The following C8orf34 variants were observed in gnomAD, a reference collection of about 807,000 sequenced individuals.
C8orf34 encodes the protein uncharacterized protein C8orf34.
A neutral mutation model predicts 68.3 loss-of-function variants in C8orf34; 65 were observed. The observed-to-expected ratio is 0.95, with a 90% confidence interval of 0.78 to 1.17. The LOEUF (loss-of-function observed/expected upper bound fraction) is 1.17. Among genes scored for constraint, C8orf34 ranks in the 50% most tolerant of loss-of-function variants. C8orf34 has a pLI of 0.00. For missense variants in C8orf34, 664 were observed against 655.4 expected, an observed-to-expected ratio of 1.01 and a Z score of -0.14; for synonymous variants, 244 against 241.2, an observed-to-expected ratio of 1.01 and a Z score of -0.11.
At chr8:68,496,691 A>G (rs922653002) in intron 5 of C8orf34, among the ~76,000 whole-genome samples, 1 of 152,132 alleles carries the variant, frequency 6.6e-6, no homozygotes, top group South Asian at 2.1e-4. Flanking sequence ...TTGTTTTGCT[A>G]TTCACTTTCT....
intron 7 of C8orf34, among the ~76,000 whole-genome samples, chr8:68,617,238 C>A (rs1818249501): frequency 6.6e-6 from 1 of 152,052 alleles, no homozygotes; most frequent in South Asian, 2.1e-4. Flanking sequence ...TTGACTCTAT[C>A]CAATTTGCCA....
At chr8:68,502,531 T>TA (rs753955624) in intron 5 of C8orf34, among the ~76,000 whole-genome samples, 1 of 152,220 alleles carries the variant, frequency 6.6e-6, no homozygotes, top group African/African-American at 2.4e-5. Context: ...CACATGTTCA[T>TA]AAAAAAAGCC....
chr8:68,535,565 C>A, intron 7 of C8orf34: 1 of 857,322 alleles, frequency 1.2e-6, no homozygotes, highest in South Asian at 5.4e-5. Flanking sequence ...ACTATTGACT[C>A]TTGTTTTGTT....
chr8:68,780,693 G>A (rs777298968), intron 11 of C8orf34, among the ~76,000 whole-genome samples: 15 of 152,164 alleles, frequency 9.9e-5, no homozygotes, highest in Non-Finnish European at 1.8e-4. Flanking sequence ...GCCGAGGTGG[G>A]CAGATTGCAG....
chr8:68,386,596 A>C (rs1377505928), intron 1 of C8orf34, among the ~76,000 whole-genome samples: 2 of 152,206 alleles, frequency 1.3e-5, no homozygotes, highest in African/African-American at 2.4e-5. Context: ...TGTCTATGAC[A>C]TAAGAAGCTG....
intron 13 of C8orf34, among the ~76,000 whole-genome samples, chr8:68,816,181 G>T (rs1204385356): frequency 1.3e-5 from 2 of 150,404 alleles, no homozygotes; most frequent in Non-Finnish European, 3.0e-5. Context: ...AGGTTTTGGA[G>T]TTCTCATTTA....
rs561386531 is a variant in C8orf34, at chr8:68,430,782, G to A, written c.328-8717G>A. Among the ~76,000 whole-genome samples, 320 of 152,178 alleles carry A rather than the reference G, an allele frequency of 2.1e-3. 1 individual carries two copies. The highest frequency in any genetic ancestry group is 6.8e-3 in the Middle Eastern group (2 of 294). ...GCCTGTAGCTGAATATTCTCTTGGG[G>A]GATGACTTGCAAGACAATGTGACAA... On this transcript the variant is annotated intron_variant, in intron 1 of 13. Coordinates refer to ENST00000518698, the MANE Select transcript of C8orf34 (RefSeq NM_052958.4).
chr8:68,481,796 T>C (rs952536507), intron 4 of C8orf34, among the ~76,000 whole-genome samples: 1 of 152,150 alleles, frequency 6.6e-6, no homozygotes, highest in African/African-American at 2.4e-5. Flanking sequence ...TGTACCCCCA[T>C]TGTGTCTAGG....
chr8:68,783,403 A>T (rs1823746701), intron 11 of C8orf34, among the ~76,000 whole-genome samples: 1 of 152,006 alleles, frequency 6.6e-6, no homozygotes, highest in Non-Finnish European at 1.5e-5. Context: ...CTGCAATCCC[A>T]GCTACTCGGG....
chr8:68,564,029 TA>T, intron 7 of C8orf34, among the ~76,000 whole-genome samples: 1 of 152,300 alleles, frequency 6.6e-6, no homozygotes, highest in South Asian at 2.1e-4. Flanking sequence ...AATTTCAAAA[TA>T]AAAAATGCTA....
intron 1 of C8orf34, among the ~76,000 whole-genome samples, chr8:68,379,254 G>A (rs530433223): frequency 1.4e-4 from 22 of 152,254 alleles, no homozygotes; most frequent in Non-Finnish European, 2.8e-4. Flanking sequence ...TTTGAGAGTC[G>A]AAGATTTTTG....
At chr8:68,640,600 T>C in intron 8 of C8orf34, 89 bp downstream of exon 8, 1 of 1,289,850 alleles carries the variant, frequency 7.8e-7, no homozygotes, top group Non-Finnish European at 1.1e-6. Flanking sequence ...CTCTTCTGTG[T>C]TAAGAACATC....
intron 8 of C8orf34, among the ~76,000 whole-genome samples, chr8:68,649,568 A>G (rs1254313540): frequency 2.0e-5 from 3 of 152,236 alleles, no homozygotes; most frequent in Non-Finnish European, 2.9e-5. Flanking sequence ...ATCTGCATGA[A>G]GGAAGACATG....
intron 1 of C8orf34, among the ~76,000 whole-genome samples, chr8:68,415,573 A>G (rs969673587): frequency 3.9e-5 from 6 of 152,302 alleles, no homozygotes; most frequent in Non-Finnish European, 8.8e-5. Flanking sequence ...ATCCAGCCTC[A>G]TTGCTCCACT....
intron 4 of C8orf34, among the ~76,000 whole-genome samples, chr8:68,478,722 G>A (rs1371203319): frequency 6.6e-6 from 1 of 152,184 alleles, no homozygotes; most frequent in Non-Finnish European, 1.5e-5. Context: ...GATGGCAGGA[G>A]AGAGAATGAA....
chr8:68,804,590 G>A (rs531875245), intron 12 of C8orf34, among the ~76,000 whole-genome samples: 2 of 151,996 alleles, frequency 1.3e-5, no homozygotes, highest in Non-Finnish European at 2.9e-5. Flanking sequence ...AGACCAGCCT[G>A]GGCAACATGG....
chr8:68,547,913 A>G (rs1815939334), intron 7 of C8orf34, among the ~76,000 whole-genome samples: 1 of 151,820 alleles, frequency 6.6e-6, no homozygotes. Flanking sequence ...GTGGTCAATT[A>G]GTTTTTAACA....
At chr8:68,725,757 ACTGTCTT>A (rs1821811047) in intron 10 of C8orf34, among the ~76,000 whole-genome samples, 2 of 152,224 alleles carry the variant, frequency 1.3e-5, no homozygotes, top group Non-Finnish European at 2.9e-5. Flanking sequence ...CAGTGCCCAA[ACTGTCTT>A]TCATAGAACT....
intron 6 of C8orf34, among the ~76,000 whole-genome samples, chr8:68,525,097 A>T (rs1814919275): frequency 6.6e-6 from 1 of 152,180 alleles, no homozygotes. Flanking sequence ...CCCATTAGGA[A>T]GTTTTCTTTC....
Sources: gnomAD v4.1 joint callset for allele counts (sites outside exome capture counted in the v4.1 genomes callset) on GRCh38, gnomAD v4.1.1 for gene constraint, MANE v1.5 for transcripts, NCBI Gene and HGNC (gene_info 2026-07-23, HGNC 2026-07-21) for gene names.